Variants in DCBLD2 observed in about 807,000 individuals in gnomAD.
The protein encoded by DCBLD2 is discoidin, CUB and LCCL domain containing 2.
A neutral mutation model predicts 86.8 loss-of-function variants in DCBLD2; 54 were observed. The ratio of observed to expected loss-of-function variants is 0.62; its 90% confidence interval spans 0.50 to 0.78. The LOEUF is 0.78. Ranked by LOEUF, DCBLD2 falls within the 30% of genes least tolerant of loss-of-function variation. The probability of loss-of-function intolerance (pLI) is 0.00; values close to 1 mark genes in which losing one functional copy is unlikely to be tolerated. For missense variants in DCBLD2, 908 were observed against 954.2 expected (o/e 0.95, Z 0.64); for synonymous variants, 354 against 341.3 (o/e 1.04, Z -0.41).
intron 2 of DCBLD2, among the ~76,000 whole-genome samples, chr3:98,879,472 C>T (rs959554694): frequency 2.7e-4 from 41 of 152,030 alleles, no homozygotes; most frequent in South Asian, 2.5e-3. Flanking sequence ...CTGCAAGCTC[C>T]GTCTCCCGGG....
intron 5 of DCBLD2, 61 bp downstream of exon 5, chr3:98,822,608 C>A: frequency 6.8e-7 from 1 of 1,462,860 alleles, no homozygotes; most frequent in South Asian, 1.3e-5. Context: ...TCTAACTACT[C>A]TGGAGTTCTA....
At chr3:98,855,638 C>CT (rs1414437678) in intron 2 of DCBLD2, among the ~76,000 whole-genome samples, 1 of 152,144 alleles carries the variant, frequency 6.6e-6, no homozygotes, top group African/African-American at 2.4e-5. Context: ...CTCTAAAATC[C>CT]TTTCAGAACT....
intron 3 of DCBLD2, 23 bp from the exon 4 acceptor site, chr3:98,825,389 C>T: frequency 1.4e-6 from 2 of 1,479,564 alleles, no homozygotes; most frequent in Non-Finnish European, 1.8e-6. Flanking sequence ...AAATAAAAAA[C>T]TGATTCCATT....
intron 2 of DCBLD2, among the ~76,000 whole-genome samples, chr3:98,866,400 T>C (rs1266928303): frequency 1.3e-5 from 2 of 152,206 alleles, no homozygotes; most frequent in East Asian, 1.9e-4. Context: ...ATGATCACCA[T>C]TCTAACTGGT....
At chr3:98,832,800 T>C (rs1187457100) in intron 3 of DCBLD2, among the ~76,000 whole-genome samples, 1 of 152,138 alleles carries the variant, frequency 6.6e-6, no homozygotes, top group Non-Finnish European at 1.5e-5. Context: ...AGCTGAGAGG[T>C]CTGTTGCTAG....
At chr3:98,876,411 G>GAAAAAAAAAAAAAAAAAAAAA (rs1488329797) in intron 2 of DCBLD2, among the ~76,000 whole-genome samples, 1 of 2,334 alleles carries the variant, frequency 4.3e-4, no homozygotes, top group Non-Finnish European at 8.0e-4. Flanking sequence ...GAGATAAAAA[G>GAAAAAAAAAAAAAAAAAAAAA]TAAAAAAAAA....
chr3:98,892,138 T>C (rs1685881809), intron 1 of DCBLD2, among the ~76,000 whole-genome samples: 1 of 152,084 alleles, frequency 6.6e-6, no homozygotes, highest in Non-Finnish European at 1.5e-5. Flanking sequence ...TAGATTCAAA[T>C]TCTAGACATG....
intron 1 of DCBLD2, among the ~76,000 whole-genome samples, chr3:98,895,730 C>T (rs1316938291): frequency 6.6e-6 from 1 of 152,170 alleles, no homozygotes; most frequent in African/African-American, 2.4e-5. Flanking sequence ...CTCTGCCTTA[C>T]ATAACCTTCT....
intron 1 of DCBLD2, chr3:98,900,731 G>A (rs775931106): frequency 7.3e-5 from 18 of 245,780 alleles, no homozygotes; most frequent in Non-Finnish European, 1.2e-4. Context: ...CCTTTAATAG[G>A]CTTAAGATGC....
In DCBLD2 at chr3:98,859,468, C is replaced by T. The variant is rs1323627931; in HGVS notation, c.434-9870G>A. Among the ~76,000 whole-genome samples the T allele has an allele frequency of 2.0e-5, 3 of 152,192 alleles. No homozygotes were observed. In the East Asian group the frequency reaches 5.8e-4, roughly 29 times the overall value. On this transcript the variant is annotated intron_variant, in intron 2 of 15. Coordinates refer to ENST00000326840, the MANE Select transcript of DCBLD2 (RefSeq NM_080927.4). ...ACCCCCAAGTAGCCTAACTGGGAGG[C>T]ACCCCCCAGTAGGGGCAGACTGATA...
rs902114996 is a variant in DCBLD2 at position 98,796,199 on chromosome 3, G to A, written c.*3173C>T. On this transcript the variant is annotated 3_prime_UTR_variant, in exon 16 of 16. Coordinates refer to ENST00000326840, the MANE Select transcript of DCBLD2 (RefSeq NM_080927.4). ...CTCAAACCATTTTTATTTCCAATATGTATTTCAATACATGTTTGTTTCCAC... is the reference window on the plus strand; with the variant it reads ...CTCAAACCATTTTTATTTCCAATATATATTTCAATACATGTTTGTTTCCAC... The A allele has an allele frequency of 6.6e-6, 1 of 152,206 alleles. No individual in the cohort carries two copies. Among genetic ancestry groups the A allele is most frequent in the African/African-American group, 2.4e-5 (1 of 41,336 alleles). The allele number at this position is 152,206 out of a possible 1,614,324, so 9.4% of individuals were successfully genotyped here.
In DCBLD2 at chr3:98,901,157, A is replaced by T. The variant is rs1394213400; in HGVS notation, c.170T>A (p.Leu57Gln). 1 of 1,538,828 alleles carries T rather than the reference A, an allele frequency of 6.5e-7. No homozygotes were observed. The highest frequency in any genetic ancestry group is 2.0e-5 in the Admixed American group (1 of 51,006). ...MPLFLLLLLV[L>Q]LLLLEDAGAQ... ...TCCAGCGTCCTCGAGCAGCAGGAGC[A>T]GGACAAGTAAGAGCAGGAGGAACAG... is the stretch of plus-strand genomic sequence containing the variant. The change falls in exon 1 of 16, where the codon CTG becomes CAG. Residue 57 changes from leucine (L) to glutamine (Q), a missense_variant. Coordinates refer to ENST00000326840, the MANE Select transcript of DCBLD2 (RefSeq NM_080927.4).
intron 2 of DCBLD2, among the ~76,000 whole-genome samples, chr3:98,865,199 A>G (rs1484607054): frequency 6.6e-6 from 1 of 152,194 alleles, no homozygotes; most frequent in Non-Finnish European, 1.5e-5. Context: ...TAGCCAAGAT[A>G]TGGAATCAAT....
chr3:98,875,092 A>G (rs1331137087), intron 2 of DCBLD2, among the ~76,000 whole-genome samples: 2 of 152,196 alleles, frequency 1.3e-5, no homozygotes, highest in African/African-American at 4.8e-5. Context: ...AGAATCAACC[A>G]TAGGCATAAG....
At position 98,808,096 on chromosome 3, in the gene DCBLD2, C is replaced by A; in HGVS notation, c.1655G>T (p.Trp552Leu). ...ATGTACTAACCTGTTTCTCCAGTGC[C>A]AAGCACACACTAATATGAGAATGAG... ...TTLILILVCA[W>L]HWRNRKKKTE... Residue 552 changes from tryptophan (W) to leucine (L), a missense_variant, in exon 13 of 16, where the codon TGG becomes TTG. Transcript: ENST00000326840. The A allele has an allele frequency of 6.2e-7, 1 of 1,601,040 alleles. No homozygotes were observed. Among genetic ancestry groups the A allele is most frequent in the Non-Finnish European group, 8.5e-7 (1 of 1,174,158 alleles).
chr3:98,844,961 T>C (rs567035788), intron 3 of DCBLD2, among the ~76,000 whole-genome samples: 2 of 152,332 alleles, frequency 1.3e-5, no homozygotes, highest in East Asian at 1.9e-4. Context: ...TGTGGTTGTT[T>C]GTATAAGGAA....
At chr3:98,858,470 A>G (rs1942978914) in intron 2 of DCBLD2, among the ~76,000 whole-genome samples, 2 of 152,398 alleles carry the variant, frequency 1.3e-5, no homozygotes, top group South Asian at 4.1e-4. Context: ...GAGGGCTGCC[A>G]GCACGCTGTC....
rs1427529933 is a variant in DCBLD2, at chr3:98,817,869, A to G, written c.1112T>C (p.Met371Thr). The G allele has an allele frequency of 6.2e-7, 1 of 1,613,542 alleles. No individual in the cohort carries two copies. Among genetic ancestry groups the G allele is most frequent in the Non-Finnish European group, 8.5e-7 (1 of 1,179,596 alleles). Residue 371 changes from methionine to threonine, a missense_variant, in exon 9 of 16, where the codon ATG becomes ACG. Around this residue, in one of 3 missense-constraint regions of DCBLD2, gnomAD observed 606 missense variants for 678.5 expected, o/e 0.89. Transcript: ENST00000326840. The part of the protein sequence containing the change: ...ITGIITTGST[M>T]VEHNYYVSAY... ...AGACACATAGTAATTGTGCTCCACC[A>G]TGGTGGATCCAGTGGTTATAATGCC...
intron 3 of DCBLD2, among the ~76,000 whole-genome samples, chr3:98,846,395 T>C (rs1198372385): frequency 6.6e-6 from 1 of 152,198 alleles, no homozygotes; most frequent in African/African-American, 2.4e-5. Context: ...GATAAAAATA[T>C]ACTGAGGACC....
Sources: allele counts gnomAD v4.1 joint callset (sites outside exome capture counted in the v4.1 genomes callset), GRCh38; gene constraint gnomAD v4.1.1; regional missense constraint gnomAD v4.1.1; transcripts MANE v1.5; gene names NCBI Gene and HGNC (gene_info 2026-07-23, HGNC 2026-07-21).